Variants in AGBL1 observed in about 807,000 individuals in gnomAD.
AGBL1 encodes cytosolic carboxypeptidase 4.
AGBL1 carries 130 observed loss-of-function variants against 118.9 expected under a neutral mutation model. The observed-to-expected ratio is 1.09, with a 90% confidence interval of 0.95 to 1.26. The LOEUF (loss-of-function observed/expected upper bound fraction) is 1.26, where lower values mean the gene tolerates loss of function less well. Among genes scored for constraint, AGBL1 ranks in the 50% most tolerant of loss-of-function variants. The probability of loss-of-function intolerance (pLI) is 0.00; values close to 1 mark genes in which losing one functional copy is unlikely to be tolerated. For missense variants in AGBL1, 1,584 were observed against 1,298.1 expected, an observed-to-expected ratio of 1.22 and a Z score of -3.38; for synonymous variants, 555 against 478.9, an observed-to-expected ratio of 1.16 and a Z score of -2.08.
At chr15:86,421,320 GAA>G (rs201561523) in intron 18 of AGBL1, among the ~76,000 whole-genome samples, 1 of 151,386 alleles carries the variant, frequency 6.6e-6, no homozygotes, top group African/African-American at 2.4e-5. Context: ...CATTCTTAAA[GAA>G]AAAAAACTCA....
chr15:86,780,046 A>C (rs1044315007), intron 22 of AGBL1, among the ~76,000 whole-genome samples: 3 of 152,102 alleles, frequency 2.0e-5, no homozygotes, highest in Non-Finnish European at 4.4e-5. Context: ...CTATTTAAGA[A>C]ATCTTTGCCT....
intron 18 of AGBL1, among the ~76,000 whole-genome samples, chr15:86,435,200 A>G (rs946044265): frequency 1.3e-5 from 2 of 152,248 alleles, no homozygotes; most frequent in Non-Finnish European, 2.9e-5. Context: ...TGAGTCCCAC[A>G]TTAAAATATG....
rs187213287 is a variant in AGBL1, at chr15:86,488,884, C to T, written c.2556-33926C>T. Among the ~76,000 whole-genome samples the T allele has an allele frequency of 3.0e-4, 45 of 152,040 alleles. No individual in the cohort carries two copies. In the East Asian group the frequency reaches 7.4e-3, roughly 25 times the overall value. ...TCATTCTTCTGTCTTTACAATTAAT[C>T]CACCAAGCATTGCTCTTGATAGGAA... On this transcript the variant is annotated intron_variant, in intron 18 of 22. Coordinates refer to ENST00000614907, the MANE Select transcript of AGBL1 (RefSeq NM_001386094.1).
At chr15:86,524,411 T>A (rs1277435849) in intron 19 of AGBL1, among the ~76,000 whole-genome samples, 1 of 152,104 alleles carries the variant, frequency 6.6e-6, no homozygotes, top group East Asian at 1.9e-4. Flanking sequence ...CATGGCAGAG[T>A]ACAGGAGAGA....
At chr15:86,548,781 A>C (rs1004824468) in intron 20 of AGBL1, among the ~76,000 whole-genome samples, 3 of 152,016 alleles carry the variant, frequency 2.0e-5, no homozygotes, top group Non-Finnish European at 2.9e-5. Context: ...ATGGTGTATT[A>C]AGCCATTCTT....
intron 16 of AGBL1, among the ~76,000 whole-genome samples, chr15:86,283,173 A>G (rs774703596): frequency 1.5e-4 from 23 of 152,196 alleles, no homozygotes; most frequent in Non-Finnish European, 2.8e-4. Flanking sequence ...AATGATTGTT[A>G]AAGTGTTAGC....
At chr15:86,520,188 T>A (rs8024025) in intron 18 of AGBL1, among the ~76,000 whole-genome samples, 102,627 of 152,146 alleles carry the variant, frequency 0.67, 36,408 homozygotes, top group African/African-American at 0.9. Context: ...TATGCATCCT[T>A]GAGCATTTTA....
At chr15:86,203,469 T>A (rs1160421118) in intron 5 of AGBL1, among the ~76,000 whole-genome samples, 4 of 152,186 alleles carry the variant, frequency 2.6e-5, no homozygotes. Flanking sequence ...ATACACAGTA[T>A]CTGTGTATTT....
At position 86,712,235 on chromosome 15, in the gene AGBL1, TAAAAC is replaced by T. The variant is rs147197888; in HGVS notation, c.3158+37803_3158+37807del. The stretch of plus-strand genomic sequence containing the variant: ...ATCATGGATTTAGGGTAGAAATAAT[TAAAAC>T]AAACAAAGCAATAATAAAGATGTCC... On this transcript the variant is annotated intron_variant, in intron 22 of 22. Transcript: ENST00000614907. Among the ~76,000 whole-genome samples the T allele has an allele frequency of 8.6e-3, 1,310 of 152,310 alleles. 7 individuals are homozygous for T. The highest frequency in any genetic ancestry group is 0.028 in the South Asian group (137 of 4,820).
chr15:86,598,566 A>G (rs976355776), intron 21 of AGBL1, among the ~76,000 whole-genome samples: 1 of 152,120 alleles, frequency 6.6e-6, no homozygotes, highest in African/African-American at 2.4e-5. Flanking sequence ...AACAAGTGAC[A>G]CCATTTTGTA....
At chr15:86,373,392 T>A (rs904131158) in intron 17 of AGBL1, among the ~76,000 whole-genome samples, 1 of 152,290 alleles carries the variant, frequency 6.6e-6, no homozygotes, top group East Asian at 1.9e-4. Context: ...GACAGAATAG[T>A]AATGGCTTAG....
At chr15:86,141,904 C>T (rs1245494507) in intron 1 of AGBL1, 100 bp from the exon 2 acceptor site, 3 of 1,199,674 alleles carry the variant, frequency 2.5e-6, no homozygotes, top group Middle Eastern at 1.9e-4. Flanking sequence ...AATCTTTCTC[C>T]ATGACAGGAA....
Position 87,003,146 on chromosome 15 carries a change from CGT to C in AGBL1, c.3323+15059_3323+15060del, listed in dbSNP as rs1567281696. Among the ~76,000 whole-genome samples, 510 of 152,080 alleles carry C rather than the reference CGT, an allele frequency of 3.4e-3. 8 individuals are homozygous for C. The highest frequency in any genetic ancestry group is 0.012 in the African/African-American group (478 of 41,460). ...AAATAGCTCTTATTATTTTCAGATA[CGT>C]CCCTTCAATACCTAATTTATTGAGA... On this transcript the variant is annotated intron_variant, in intron 24 of 24. Coordinates refer to the AGBL1 transcript ENST00000441037.
chr15:86,603,876 C>T (rs564964315), intron 21 of AGBL1, among the ~76,000 whole-genome samples: 2 of 152,088 alleles, frequency 1.3e-5, no homozygotes, highest in Non-Finnish European at 2.9e-5. Flanking sequence ...ACTATAGCCC[C>T]TGAGTAGCAA....
intron 18 of AGBL1, among the ~76,000 whole-genome samples, chr15:86,500,436 A>G (rs1319889507): frequency 6.6e-6 from 1 of 151,864 alleles, no homozygotes; most frequent in African/African-American, 2.4e-5. Flanking sequence ...TTGGTAATTA[A>G]GGGGCTAATG....
intron 18 of AGBL1, among the ~76,000 whole-genome samples, chr15:86,519,834 C>A (rs533825234): frequency 2.0e-5 from 3 of 152,228 alleles, no homozygotes; most frequent in Admixed American, 1.3e-4. Flanking sequence ...TTCTGTATGT[C>A]TCACATTGGC....
intron 5 of AGBL1, among the ~76,000 whole-genome samples, chr15:86,215,221 ATGCGTGTGTGTG>A (rs1310425190): frequency 4.5e-4 from 56 of 124,774 alleles, no homozygotes; most frequent in African/African-American, 1.7e-3. Flanking sequence ...GTGTATATGT[ATGCGTGTGTGTG>A]TGTGTGTGTG....
intron 24 of AGBL1, among the ~76,000 whole-genome samples, chr15:87,009,912 G>T (rs2081541130): frequency 1.3e-5 from 2 of 152,220 alleles, no homozygotes; most frequent in African/African-American, 4.8e-5. Context: ...TATCAAGGAA[G>T]TAACTAACTT....
intron 17 of AGBL1, among the ~76,000 whole-genome samples, chr15:86,307,706 A>C (rs1421765248): frequency 6.6e-6 from 1 of 152,086 alleles, no homozygotes; most frequent in Non-Finnish European, 1.5e-5. Flanking sequence ...GTTTGAGTCT[A>C]GTCTGGACAG....
Sources: allele counts gnomAD v4.1 joint callset (sites outside exome capture counted in the v4.1 genomes callset), GRCh38; gene constraint gnomAD v4.1.1; transcripts MANE v1.5; gene names NCBI Gene and HGNC (gene_info 2026-07-23, HGNC 2026-07-21).